LDLRAD3: variants seen among roughly 807,000 people sequenced by gnomAD.
LDLRAD3 encodes low-density lipoprotein receptor class A domain-containing protein 3.
A neutral mutation model predicts 29.4 loss-of-function variants in LDLRAD3; 20 were observed. The ratio of observed to expected loss-of-function variants is 0.68; its 90% CI spans 0.48 to 0.99. The LOEUF (loss-of-function observed/expected upper bound fraction) is 0.99. LDLRAD3 is among the 50% of genes least tolerant of loss of function. The pLI, the probability that LDLRAD3 is intolerant of heterozygous loss-of-function variation, is 0.00. For missense variants in LDLRAD3, 420 were observed against 454.3 expected (o/e 0.92, Z 0.69); for synonymous variants, 157 against 192.7 (o/e 0.81, Z 1.53).
At chr11:36,055,079 A>T (rs1284433229) in intron 2 of LDLRAD3, among the ~76,000 whole-genome samples, 2 of 2,060 alleles carry the variant, frequency 9.7e-4, no homozygotes, top group African/African-American at 6.1e-3. Flanking sequence ...GGATAGATGG[A>T]TGGATGGATG....
chr11:36,046,691 G>T (rs1852454906), intron 2 of LDLRAD3, among the ~76,000 whole-genome samples: 1 of 152,274 alleles, frequency 6.6e-6, no homozygotes, highest in South Asian at 2.1e-4. Flanking sequence ...AGGAGGTAAA[G>T]CTCCCAGTGA....
Position 35,944,154 on chromosome 11 carries a change from G to A in LDLRAD3, c.46+10G>A, listed in dbSNP as rs1298496171. On this transcript the variant is annotated intron_variant, in intron 1 of 5. Transcript: ENST00000315571. The surrounding 1 kb of genome is among the most constrained non-coding windows in gnomAD (Gnocchi z 4.9). ...CTGAGCAGCGCCGCGGGTGAGTCGG[G>A]GGGCGGCCGGCGAACTTCCCGCGGG... 216 of 1,027,798 alleles carry A rather than the reference G, an allele frequency of 2.1e-4. 2 individuals carry two copies. In the African/African-American group the frequency reaches 3.6e-3, roughly 17 times the overall value. The allele number at this position is 1,027,798 out of a possible 1,614,324, so 63.7% of individuals were successfully genotyped here.
Position 36,009,673 on chromosome 11 carries a change from C to T in LDLRAD3, c.47-26430C>T, listed in dbSNP as rs549419828. ...AATGCAAATGCCATTCGTTCTGTTGCTGATTTGCTTACCGAAAGTTGCAGA... is the reference window on the plus strand; with the variant it reads ...AATGCAAATGCCATTCGTTCTGTTGTTGATTTGCTTACCGAAAGTTGCAGA... On this transcript the variant is annotated intron_variant, in intron 1 of 5. Transcript: ENST00000315571. Among the ~76,000 whole-genome samples the T allele has an allele frequency of 5.3e-5, 8 of 152,276 alleles. No individual in the cohort carries two copies. In the South Asian group the frequency reaches 1.4e-3, roughly 28 times the overall value.
chr11:36,140,324 C>T (rs1200253321), intron 4 of LDLRAD3, among the ~76,000 whole-genome samples: 2 of 152,012 alleles, frequency 1.3e-5, no homozygotes, highest in African/African-American at 4.8e-5. Context: ...GAAGAGGATG[C>T]GCATACGCTC....
In LDLRAD3 at chr11:36,173,362, G is replaced by A. The variant is rs536022876; in HGVS notation, c.455-53723G>A. Reference sequence around the variant, plus strand: ...TCCCCCCACCCCACAACAGGCCCAGGTGTGTGATATTCCCCTTCCTGTGTC... The same window carrying A: ...TCCCCCCACCCCACAACAGGCCCAGATGTGTGATATTCCCCTTCCTGTGTC... On this transcript the variant is annotated intron_variant, in intron 4 of 5. Transcript: ENST00000315571. 2.2e-3 allele frequency among the ~76,000 whole-genome samples: 269 copies of A among 122,374 alleles called. 3 individuals carry two copies. The highest frequency in any genetic ancestry group is 0.011 in the South Asian group (41 of 3,752). 80.3% of individuals were successfully genotyped at this position (122,374 alleles called of 152,430 possible). A position where few individuals can be genotyped will look rare whatever the true frequency, so the allele number is the denominator to read the frequency against.
At chr11:36,100,733 C>T (rs544409016) in intron 4 of LDLRAD3, among the ~76,000 whole-genome samples, 4 of 152,350 alleles carry the variant, frequency 2.6e-5, no homozygotes, top group Admixed American at 6.5e-5. Flanking sequence ...CCACTGCGCC[C>T]GGCCTATACA....
At chr11:36,062,314 A>G (rs545861521) in intron 2 of LDLRAD3, among the ~76,000 whole-genome samples, 4 of 152,318 alleles carry the variant, frequency 2.6e-5, no homozygotes, top group African/African-American at 9.6e-5. Flanking sequence ...TTTCCCTAGT[A>G]CAGGGTTGGT....
chr11:35,974,759 C>T (rs1021159123), intron 1 of LDLRAD3, among the ~76,000 whole-genome samples: 3 of 152,194 alleles, frequency 2.0e-5, no homozygotes, highest in African/African-American at 7.2e-5. Context: ...CTGCAATACA[C>T]ACATCTGGTC....
At chr11:35,987,892 T>C (rs1851634550) in intron 1 of LDLRAD3, among the ~76,000 whole-genome samples, 1 of 152,242 alleles carries the variant, frequency 6.6e-6, no homozygotes, top group Non-Finnish European at 1.5e-5. Flanking sequence ...CAACTGTGTA[T>C]AAGCGTTCCG....
At chr11:35,959,694 G>A (rs1329684357) in intron 1 of LDLRAD3, among the ~76,000 whole-genome samples, 1 of 152,052 alleles carries the variant, frequency 6.6e-6, no homozygotes, top group Non-Finnish European at 1.5e-5. Context: ...GGCTGAGGCT[G>A]GTGGATCACT....
At chr11:36,034,521 G>A (rs569376862) in intron 1 of LDLRAD3, among the ~76,000 whole-genome samples, 7 of 152,296 alleles carry the variant, frequency 4.6e-5, no homozygotes, top group South Asian at 2.1e-4. Context: ...TCCAGTGAGC[G>A]ATGAAAGCTC....
intron 2 of LDLRAD3, among the ~76,000 whole-genome samples, chr11:36,050,419 T>A (rs1200280207): frequency 6.6e-6 from 1 of 152,160 alleles, no homozygotes; most frequent in African/African-American, 2.4e-5. Flanking sequence ...GGGCAGGCAG[T>A]CTGGTGGGCC....
intron 4 of LDLRAD3, among the ~76,000 whole-genome samples, chr11:36,120,461 G>A (rs1163841963): frequency 6.6e-6 from 1 of 152,060 alleles, no homozygotes; most frequent in Non-Finnish European, 1.5e-5. Context: ...AGCACTTTAT[G>A]CATATTATTT....
At chr11:36,027,574 A>AT (rs888666848) in intron 1 of LDLRAD3, among the ~76,000 whole-genome samples, 2 of 152,166 alleles carry the variant, frequency 1.3e-5, no homozygotes, top group African/African-American at 4.8e-5. Flanking sequence ...ATAGAGATAC[A>AT]TTTTGGGGCC....
At chr11:36,208,765 TA>T (rs1347055103) in intron 4 of LDLRAD3, among the ~76,000 whole-genome samples, 9 of 98,962 alleles carry the variant, frequency 9.1e-5, no homozygotes, top group South Asian at 8.4e-4. Flanking sequence ...ATCAAGGAAA[TA>T]GGGGGGAAAA....
intron 5 of LDLRAD3, among the ~76,000 whole-genome samples, chr11:36,228,391 A>G (rs1335269968): frequency 1.3e-5 from 2 of 152,198 alleles, no homozygotes; most frequent in African/African-American, 4.8e-5. Flanking sequence ...CACCCAGCAT[A>G]GGGTAAGGTT....
At chr11:36,061,219 A>G (rs1454985123) in intron 2 of LDLRAD3, among the ~76,000 whole-genome samples, 1 of 152,002 alleles carries the variant, frequency 6.6e-6, no homozygotes, top group Non-Finnish European at 1.5e-5. Flanking sequence ...GCTCACTGCA[A>G]CCTCCGCCTG....
chr11:36,083,771 CACACACA>C (rs1565210940), intron 3 of LDLRAD3, among the ~76,000 whole-genome samples: 1 of 131,566 alleles, frequency 7.6e-6, no homozygotes, highest in African/African-American at 2.5e-5. Context: ...CACACACACA[CACACACA>C]CACCCCAGAA....
intron 2 of LDLRAD3, among the ~76,000 whole-genome samples, chr11:36,077,910 G>A (rs1853042228): frequency 6.6e-6 from 1 of 152,170 alleles, no homozygotes; most frequent in South Asian, 2.1e-4. Flanking sequence ...CCTAGTTCTT[G>A]TCCTGCATCC....
Sources: gnomAD v4.1 joint callset for allele counts (sites outside exome capture counted in the v4.1 genomes callset) on GRCh38, gnomAD v4.1.1 for gene constraint, Gnocchi (gnomAD v3.1) non-coding constraint, MANE v1.5 for transcripts, NCBI Gene and HGNC (gene_info 2026-07-23, HGNC 2026-07-21) for gene names.